PEX13: variants seen among roughly 807,000 people sequenced by gnomAD.
The protein encoded by PEX13 is peroxisomal biogenesis factor 13.
PEX13 carries 28 observed loss-of-function variants against 34.5 expected under a neutral mutation model. The observed-to-expected ratio is 0.81, with a 90% confidence interval of 0.60 to 1.11. PEX13 has a LOEUF of 1.11. PEX13 is among the 50% of genes most tolerant of loss of function. The pLI, the probability that PEX13 is intolerant of heterozygous loss-of-function variation, is 0.00. For synonymous variants in PEX13, 177 were observed against 175.1 expected (o/e 1.01, Z -0.09); for missense variants, 550 against 491.0 (o/e 1.12, Z -1.13).
chr2:61,041,707 TGG>T (rs1680628001), intron 2 of PEX13, among the ~76,000 whole-genome samples: 1 of 152,146 alleles, frequency 6.6e-6, no homozygotes, highest in African/African-American at 2.4e-5. Flanking sequence ...CAAGTTGTTG[TGG>T]GAGATTGTCA....
chr2:61,018,243 G>A (rs543819721), intron 1 of PEX13: 2 of 1,551,112 alleles, frequency 1.3e-6, no homozygotes. Flanking sequence ...CATCGACAGG[G>A]AGCAAAGTCT....
intron 2 of PEX13, among the ~76,000 whole-genome samples, chr2:61,037,285 A>G (rs1477064761): frequency 6.6e-6 from 1 of 152,212 alleles, no homozygotes; most frequent in Admixed American, 6.5e-5. Flanking sequence ...AGACGTCTAC[A>G]GAACTCTACA....
In PEX13 at chr2:61,034,613, G is replaced by A. The variant is rs144254702; in HGVS notation, c.787+2500G>A. Among the ~76,000 whole-genome samples, 63 of 152,344 alleles carry A rather than the reference G, an allele frequency of 4.1e-4. 1 individual carries two copies. The East Asian group carries it at 0.011, about 26-fold the overall frequency. On this transcript the variant is annotated intron_variant, in intron 2 of 3. Transcript: ENST00000295030. The stretch of plus-strand genomic sequence containing the variant: ...TGGTACACTCCTGCCCAAATACAGC[G>A]CTTTTCCTATGGTCCTCGCAACTGG...
At chr2:61,018,358 C>G (rs1459664594) in intron 1 of PEX13, 1 of 1,496,412 alleles carries the variant, frequency 6.7e-7, no homozygotes, top group Admixed American at 2.2e-5. Flanking sequence ...CAGCATAACT[C>G]AGCCAGTGTT....
In PEX13 at chr2:61,017,813, G is replaced by C. The variant is rs1002699754; in HGVS notation, c.54G>C (p.Pro18=). Residue 18 remains proline (P), a synonymous_variant, in exon 1 of 4, where the codon CCG becomes CCC. Coordinates refer to ENST00000295030, the MANE Select transcript of PEX13 (RefSeq NM_002618.4). ...AACCCTGGGAGACCCGCCGAATTCCGGGAGCCGGACCGGGACCAGGACCGG... is the reference window on the plus strand; with the variant it reads ...AACCCTGGGAGACCCGCCGAATTCCCGGAGCCGGACCGGGACCAGGACCGG... The part of the protein sequence containing the change: ...PPKPWETRRI[P]GAGPGPGPGP... The C allele has an allele frequency of 6.4e-7, 1 of 1,550,566 alleles. No individual in the cohort carries two copies.
intron 3 of PEX13, among the ~76,000 whole-genome samples, chr2:61,046,715 C>G (rs961331920): frequency 7.9e-5 from 12 of 152,138 alleles, no homozygotes; most frequent in African/African-American, 2.9e-4. Flanking sequence ...TAGAACTGGA[C>G]TATGAATCTA....
At chr2:61,029,752 C>A (rs951195235) in intron 1 of PEX13, among the ~76,000 whole-genome samples, 3 of 150,914 alleles carry the variant, frequency 2.0e-5, no homozygotes, top group African/African-American at 7.3e-5. Context: ...TTGGAGGCTG[C>A]GGTGAGCTAT....
chr2:61,045,679 T>G (rs1680695001), intron 2 of PEX13, 47 bp from the exon 3 acceptor site: 1 of 1,586,820 alleles, frequency 6.3e-7, no homozygotes. Flanking sequence ...AATATCTGCA[T>G]TTTTCTTTTG....
intron 2 of PEX13, among the ~76,000 whole-genome samples, chr2:61,040,640 G>T (rs146629683): frequency 6.6e-6 from 1 of 151,668 alleles, no homozygotes; most frequent in East Asian, 1.9e-4. Flanking sequence ...TAATGTAAAC[G>T]ACGAGTTGAT....
chr2:61,036,899 G>A (rs924265612), intron 2 of PEX13, among the ~76,000 whole-genome samples: 7 of 151,854 alleles, frequency 4.6e-5, no homozygotes, highest in African/African-American at 1.7e-4. Context: ...CTTGTTCAAA[G>A]ACACACATAG....
chr2:61,043,035 C>T lies in PEX13; in HGVS notation c.788-2691C>T, dbSNP rs550877660. Among the ~76,000 whole-genome samples, 6 of 152,238 alleles carry T rather than the reference C, an allele frequency of 3.9e-5. No individual in the cohort carries two copies. In the South Asian group the frequency reaches 8.3e-4, roughly 21 times the overall value. ...AGCTAGTTTGGCCCTCTTACTCTCT[C>T]GCATGCACTCTTTTGCCATGTGATG... On this transcript the variant is annotated intron_variant, in intron 2 of 3. Coordinates refer to ENST00000295030, the MANE Select transcript of PEX13 (RefSeq NM_002618.4).
intron 2 of PEX13, among the ~76,000 whole-genome samples, chr2:61,032,891 A>G (rs1372211214): frequency 6.6e-6 from 1 of 152,172 alleles, no homozygotes; most frequent in East Asian, 1.9e-4. Context: ...AAAATATGAG[A>G]TTTATTTGGT....
chr2:61,025,458 G>A (rs976064697), intron 1 of PEX13, among the ~76,000 whole-genome samples: 2 of 151,900 alleles, frequency 1.3e-5, no homozygotes, highest in African/African-American at 4.8e-5. Context: ...ACCCAGGTTC[G>A]AGTGATTCTT....
In PEX13 at chr2:61,031,828, T is replaced by C; in HGVS notation, c.502T>C (p.Phe168Leu). 1 of 1,613,370 alleles carries C rather than the reference T, an allele frequency of 6.2e-7. No homozygotes were observed. Among genetic ancestry groups the C allele is most frequent in the Non-Finnish European group, 8.5e-7 (1 of 1,179,240 alleles). ...FRAVLDVANHFSRLKIHFTKV... is the reference protein window; with the variant it reads ...FRAVLDVANHLSRLKIHFTKV... ...GGCTGTATTGGATGTAGCAAATCAC[T>C]TTTCCCGATTGAAAATACACTTTAC... The change falls in exon 2 of 4, where the codon TTT (phenylalanine) becomes CTT (leucine). Residue 168 changes from phenylalanine (F) to leucine (L), a missense_variant. Coordinates refer to ENST00000295030, the MANE Select transcript of PEX13 (RefSeq NM_002618.4).
chr2:61,035,875 A>G (rs200330686), intron 2 of PEX13, among the ~76,000 whole-genome samples: 1 of 151,654 alleles, frequency 6.6e-6, no homozygotes, highest in Non-Finnish European at 1.5e-5. Context: ...CCCAGCTACT[A>G]GGGAGGCTGA....
intron 1 of PEX13, among the ~76,000 whole-genome samples, chr2:61,027,035 G>A (rs1335656776): frequency 6.6e-6 from 1 of 151,954 alleles, no homozygotes; most frequent in Non-Finnish European, 1.5e-5. Flanking sequence ...TAAAAACAGT[G>A]GGTCAGACTG....
chr2:61,028,548 G>A (rs540035540), intron 1 of PEX13, among the ~76,000 whole-genome samples: 6 of 151,864 alleles, frequency 4.0e-5, no homozygotes, highest in Admixed American at 1.3e-4. Flanking sequence ...CACCACGTCC[G>A]GCTAATTTTT....
At chr2:61,026,245 C>T (rs1250562496) in intron 1 of PEX13, among the ~76,000 whole-genome samples, 1 of 151,946 alleles carries the variant, frequency 6.6e-6, no homozygotes, top group Non-Finnish European at 1.5e-5. Context: ...TTCCCAAGTT[C>T]TGTATTTCCA....
rs371678615 is a variant in PEX13, at chr2:61,032,125, G to A, written c.787+12G>A. 42 of 1,560,064 alleles carry A rather than the reference G, an allele frequency of 2.7e-5. No homozygotes were observed. Among genetic ancestry groups the A allele is most frequent in the Non-Finnish European group, 3.4e-5 (38 of 1,131,224 alleles). Reference sequence around the variant, plus strand: ...TGATGAAGTAACAGGTAAGAGAACTGTAAGGGAACAGGTTCAGATACCATA... The same window carrying A: ...TGATGAAGTAACAGGTAAGAGAACTATAAGGGAACAGGTTCAGATACCATA... On this transcript the variant is annotated intron_variant, in intron 2 of 3. Coordinates refer to ENST00000295030, the MANE Select transcript of PEX13 (RefSeq NM_002618.4).
Sources: allele counts gnomAD v4.1 joint callset (sites outside exome capture counted in the v4.1 genomes callset), GRCh38; gene constraint gnomAD v4.1.1; transcripts MANE v1.5; gene names NCBI Gene and HGNC (gene_info 2026-07-23, HGNC 2026-07-21).